The following ATF6 variants were observed in gnomAD, a reference collection of about 807,000 sequenced individuals.
The protein encoded by ATF6 is cyclic AMP-dependent transcription factor ATF-6 alpha.
Under a neutral mutation model 83.6 loss-of-function variants are expected in ATF6, and 53 were observed. The ratio of observed to expected loss-of-function variants is 0.63; its 90% CI spans 0.51 to 0.80. The LOEUF (loss-of-function observed/expected upper bound fraction) is 0.80, where lower values mean the gene tolerates loss of function less well. Among genes scored for constraint, ATF6 ranks in the 30% least tolerant of loss-of-function variants. The pLI is 0.00. For synonymous variants in ATF6, 288 were observed against 285.8 expected, an observed-to-expected ratio of 1.01 and a Z score of -0.08; for missense variants, 744 against 797.9, an observed-to-expected ratio of 0.93 and a Z score of 0.81.
rs7542426 is a variant in ATF6, at chr1:161,956,583, C to T, written c.1805-1863C>T. Among the ~76,000 whole-genome samples, 446 of 152,298 alleles carry T rather than the reference C, an allele frequency of 2.9e-3. 2 individuals carry two copies. Among genetic ancestry groups the T allele is most frequent in the African/African-American group, 0.011 (439 of 41,572 alleles). On this transcript the variant is annotated intron_variant, in intron 15 of 15. Transcript: ENST00000367942. ...ACTTGTGAAATTGGAGTTAAGCTTC[C>T]ATAACAGCGGTCTTAAAGAATAGGT...
At chr1:161,854,237 A>G (rs1034701069) in intron 12 of ATF6, among the ~76,000 whole-genome samples, 3 of 152,208 alleles carry the variant, frequency 2.0e-5, no homozygotes, top group Non-Finnish European at 2.9e-5. Flanking sequence ...AAATTTTTTC[A>G]CTTGCACAAA....
At chr1:161,794,201 G>T (rs1195363555) in intron 6 of ATF6, among the ~76,000 whole-genome samples, 1 of 152,146 alleles carries the variant, frequency 6.6e-6, no homozygotes, top group Non-Finnish European at 1.5e-5. Flanking sequence ...ACCGCGCCTG[G>T]TGCCTTGTCT....
chr1:161,842,975 A>T lies in ATF6; in HGVS notation c.1188-3474A>T, dbSNP rs77587751. Among the ~76,000 whole-genome samples the T allele has an allele frequency of 7.9e-5, 12 of 152,324 alleles. No homozygotes were observed. In the East Asian group the frequency reaches 2.1e-3, roughly 27 times the overall value. On this transcript the variant is annotated intron_variant, in intron 9 of 15. Transcript: ENST00000367942. ...CTTGTATGATTATTGTATACTGTAC[A>T]CATTTTTATTTTACAATGATTTGTA... is the stretch of plus-strand genomic sequence containing the variant.
At chr1:161,911,929 G>T (rs1462819615) in intron 14 of ATF6, among the ~76,000 whole-genome samples, 1 of 152,164 alleles carries the variant, frequency 6.6e-6, no homozygotes, top group Non-Finnish European at 1.5e-5. Context: ...CTGAAACACA[G>T]AAAGGATACG....
At chr1:161,862,091 T>C (rs767713514) in intron 13 of ATF6, among the ~76,000 whole-genome samples, 1 of 152,210 alleles carries the variant, frequency 6.6e-6, no homozygotes, top group Non-Finnish European at 1.5e-5. Flanking sequence ...ACCAGAGGCT[T>C]GCAGGAACCT....
rs147573850 is a variant in ATF6 at position 161,791,478 on chromosome 1, T to C, written c.425T>C (p.Leu142Pro). The change falls in exon 5 of 16, where the codon CTC (leucine) becomes CCC (proline). Residue 142 changes from leucine to proline, a missense_variant. By Grantham distance (98) the Leu-to-Pro change is moderately conservative. Coordinates refer to ENST00000367942, the MANE Select transcript of ATF6 (RefSeq NM_007348.4). ...TTATATGGTGAAAACTCTAATAGTC[T>C]CTCTTCAGCGGAGCCACTGAAGGAA... ...LSLYGENSNS[L>P]SSAEPLKEDK... The C allele has an allele frequency of 3.1e-6, 5 of 1,612,914 alleles. No individual in the cohort carries two copies. Among genetic ancestry groups the C allele is most frequent in the Non-Finnish European group, 4.2e-6 (5 of 1,179,690 alleles).
At chr1:161,866,947 A>G (rs1471237480) in intron 14 of ATF6, among the ~76,000 whole-genome samples, 4 of 152,054 alleles carry the variant, frequency 2.6e-5, no homozygotes, top group African/African-American at 9.7e-5. Flanking sequence ...ATGGGGTCTC[A>G]CTTTGTTGCC....
intron 14 of ATF6, among the ~76,000 whole-genome samples, chr1:161,886,178 T>G (rs1382427231): frequency 2.0e-5 from 3 of 151,916 alleles, no homozygotes; most frequent in African/African-American, 7.3e-5. Flanking sequence ...ACAGGATGAG[T>G]GAGAGAATTG....
Position 161,903,035 on chromosome 1 carries a change from G to C in ATF6, c.1720-9261G>C, listed in dbSNP as rs190134811. ...TCCAACTTCCAGACCTTTTTTTTCT[G>C]CTGATAACTCATACCTTTTAATTAA... On this transcript the variant is annotated intron_variant, in intron 14 of 15. Coordinates refer to ENST00000367942, the MANE Select transcript of ATF6 (RefSeq NM_007348.4). Among the ~76,000 whole-genome samples the C allele has an allele frequency of 8.6e-5, 13 of 151,678 alleles. No individual in the cohort carries two copies. The East Asian group carries it at 2.3e-3, about 27-fold the overall frequency.
intron 14 of ATF6, among the ~76,000 whole-genome samples, chr1:161,897,482 C>A (rs1164559414): frequency 6.6e-6 from 1 of 152,132 alleles, no homozygotes; most frequent in Non-Finnish European, 1.5e-5. Context: ...ACTCCTCCCC[C>A]ACCTTCTAAC....
chr1:161,768,998 G>A (rs140517337), intron 1 of ATF6, among the ~76,000 whole-genome samples: 89 of 152,310 alleles, frequency 5.8e-4, no homozygotes, highest in Middle Eastern at 3.4e-3. Context: ...GCCTGTGAGG[G>A]ATGTGCTTTC....
chr1:161,796,834 C>T (rs1685031715), intron 6 of ATF6, among the ~76,000 whole-genome samples: 1 of 151,768 alleles, frequency 6.6e-6, no homozygotes, highest in African/African-American at 2.4e-5. Context: ...GGTTTGACTT[C>T]CTCTCTTCAT....
chr1:161,899,130 A>C (rs1300442592), intron 14 of ATF6, among the ~76,000 whole-genome samples: 1 of 152,226 alleles, frequency 6.6e-6, no homozygotes, highest in Non-Finnish European at 1.5e-5. Flanking sequence ...TTCAGAATTA[A>C]ACAAAGGCCA....
At chr1:161,829,189 CTTTTTTTTTTTT>C (rs35619050) in intron 9 of ATF6, among the ~76,000 whole-genome samples, 4 of 72,588 alleles carry the variant, frequency 5.5e-5, no homozygotes, top group South Asian at 5.3e-4. Context: ...TAATGGGAGA[CTTTTTTTTTTTT>C]TTTTTTTTTT....
intron 9 of ATF6, among the ~76,000 whole-genome samples, chr1:161,840,873 C>T (rs1239691191): frequency 6.6e-6 from 1 of 151,984 alleles, no homozygotes; most frequent in Non-Finnish European, 1.5e-5. Context: ...CTAGAGACTT[C>T]TTCTTTTTTC....
At chr1:161,775,521 C>T (rs992265257) in intron 1 of ATF6, among the ~76,000 whole-genome samples, 21 of 152,106 alleles carry the variant, frequency 1.4e-4, no homozygotes, top group Non-Finnish European at 1.9e-4. Flanking sequence ...TCCTTTGTTC[C>T]GTGATGAACT....
rs148690272 is a variant in ATF6, at chr1:161,883,881, G to T, written c.1719+20569G>T. ...AAACATAAGGAAATTAAGATAATTT[G>T]AATTCAGATTATAAAATAGTTCAGG... On this transcript the variant is annotated intron_variant, in intron 14 of 15. Coordinates refer to ENST00000367942, the MANE Select transcript of ATF6 (RefSeq NM_007348.4). 9.8e-3 allele frequency among the ~76,000 whole-genome samples: 1,496 copies of T among 152,118 alleles called. 15 individuals are homozygous for T. The highest frequency in any genetic ancestry group is 0.051 in the Middle Eastern group (15 of 294).
At chr1:161,915,196 A>T (rs1044917983) in intron 15 of ATF6, among the ~76,000 whole-genome samples, 1 of 152,076 alleles carries the variant, frequency 6.6e-6, no homozygotes, top group Non-Finnish European at 1.5e-5. Context: ...TACACCCACA[A>T]ACTCTGCCTT....
chr1:161,813,994 C>T (rs1685543938), intron 7 of ATF6, among the ~76,000 whole-genome samples: 1 of 151,730 alleles, frequency 6.6e-6, no homozygotes, highest in South Asian at 2.1e-4. Context: ...AAGCAATTCT[C>T]CTGCCTCAGC....
Sources: gnomAD v4.1 joint callset for allele counts (sites outside exome capture counted in the v4.1 genomes callset) on GRCh38, gnomAD v4.1.1 for gene constraint, MANE v1.5 for transcripts, NCBI Gene and HGNC (gene_info 2026-07-23, HGNC 2026-07-21) for gene names.